TTC34: variants seen among roughly 807,000 people sequenced by gnomAD.
TTC34 encodes tetratricopeptide repeat domain 34.
In TTC34, 44 loss-of-function variants were observed where a neutral mutation model predicts 40.7. That is an observed-to-expected ratio of 1.08 (90% confidence interval 0.85 to 1.39). TTC34 has a LOEUF of 1.39. TTC34 is among the 40% of genes most tolerant of loss of function. The pLI is 0.00. For missense variants in TTC34, 884 were observed against 838.0 expected, an observed-to-expected ratio of 1.05 and a Z score of -0.68; for synonymous variants, 422 against 398.6, an observed-to-expected ratio of 1.06 and a Z score of -0.70.
chr1:2,768,732 C>G (rs1373447907), intron 6 of TTC34, among the ~76,000 whole-genome samples: 2 of 141,448 alleles, frequency 1.4e-5, no homozygotes, highest in South Asian at 2.4e-4. Context: ...CCTGGAAAAA[C>G]AACCCCCTTC....
chr1:2,683,673 C>T (rs1269407324), intron 6 of TTC34, among the ~76,000 whole-genome samples: 1 of 149,156 alleles, frequency 6.7e-6, no homozygotes, highest in African/African-American at 2.6e-5. Context: ...GCACGCTGCA[C>T]CCCCAGGTGA....
At chr1:2,789,815 T>G in exon 3 of TTC34, 1 of 455,368 alleles carries the variant, frequency 2.2e-6, no homozygotes, top group South Asian at 4.9e-5. Flanking sequence ...CACTACCGTC[T>G]GGAAGTCCTC....
chr1:2,797,411 C>T (rs1450602290), intron 2 of TTC34, among the ~76,000 whole-genome samples: 1 of 152,158 alleles, frequency 6.6e-6, no homozygotes, highest in Non-Finnish European at 1.5e-5. Flanking sequence ...CCACTTCCTG[C>T]CTCTGTCGGG....
intron 6 of TTC34, among the ~76,000 whole-genome samples, chr1:2,773,062 A>G (rs1461980636): frequency 6.6e-6 from 1 of 151,146 alleles, no homozygotes. Flanking sequence ...GCACACCCCC[A>G]GGTGAGCCTC....
At position 2,791,545 on chromosome 1, in the gene TTC34, C is replaced by T. The variant is rs984865106; in HGVS notation, c.785-1199G>A. On this transcript the variant is annotated intron_variant, in intron 2 of 8. Coordinates refer to ENST00000401095, the Ensembl canonical transcript of TTC34. Reference sequence around the variant, plus strand: ...TGCGGTCACTGCCCTGCTGCTGTTGCGGTAAGCGCCGAGTCCAGCACAGAA... The same window carrying T: ...TGCGGTCACTGCCCTGCTGCTGTTGTGGTAAGCGCCGAGTCCAGCACAGAA... 6.6e-5 allele frequency among the ~76,000 whole-genome samples: 10 copies of T among 152,274 alleles called. No individual in the cohort carries two copies. In the South Asian group the frequency reaches 1.7e-3, roughly 25 times the overall value.
At chr1:2,789,887 G>A in exon 3 of TTC34, 1 of 415,102 alleles carries the variant, frequency 2.4e-6, no homozygotes. Flanking sequence ...CAGGAGAGGT[G>A]CGCGGTCCCC....
Position 2,645,799 on chromosome 1 carries a change from CTG to C in TTC34, c.2227-238_2227-237del, listed in dbSNP as rs1639010764. 6.6e-6 allele frequency among the ~76,000 whole-genome samples: 1 copy of C among 152,196 alleles called. No homozygotes were observed. The highest frequency in any genetic ancestry group is 1.5e-5 in the Non-Finnish European group (1 of 68,032). On this transcript the variant is annotated intron_variant, in intron 6 of 8. Transcript: ENST00000401095. This position sits in a 1 kb window ranked among gnomAD's most constrained non-coding sequence, Gnocchi z 4.7. ...GGGACTCAGCTCACTGACCTTGACT[CTG>C]AAAGTTGTCAGGCTCAGAACCCCTT... is the stretch of plus-strand genomic sequence containing the variant.
intron 6 of TTC34, among the ~76,000 whole-genome samples, chr1:2,688,214 GGGGAGCATCCGACAGCCTGGAGCAGCAC>G (rs1640458867): frequency 2.8e-5 from 4 of 144,702 alleles, no homozygotes; most frequent in African/African-American, 8.1e-5. Flanking sequence ...CACACCCCCA[GGGGAGCATCCGACAGCCTGGAGCAGCAC>G]CCACACCCCC....
chr1:2,644,170 G>C, intron 8 of TTC34, 94 bp downstream of exon 8: 1 of 1,285,818 alleles, frequency 7.8e-7, no homozygotes. Context: ...ACCGCAGAGA[G>C]TGAAGAAAGG....
chr1:2,759,873 T>TCTGACAGCGTGGAACAGCAC (rs1641636880), intron 6 of TTC34, among the ~76,000 whole-genome samples: 2 of 63,396 alleles, frequency 3.2e-5, no homozygotes, highest in African/African-American at 1.1e-4. Context: ...TGGAGTAGTA[T>TCTGACAGCGTGGAACAGCAC]CCTGCACCCT....
intron 6 of TTC34, among the ~76,000 whole-genome samples, chr1:2,647,182 T>A (rs1285763155): frequency 6.6e-6 from 1 of 152,196 alleles, no homozygotes; most frequent in Admixed American, 6.5e-5. Flanking sequence ...TCTTGGGAAT[T>A]TTTCTGCTGT....
chr1:2,772,980 C>T (rs1569841532), intron 6 of TTC34, among the ~76,000 whole-genome samples: 2 of 149,520 alleles, frequency 1.3e-5, no homozygotes, highest in South Asian at 2.1e-4. Flanking sequence ...ATGCACACCC[C>T]CAGGCGAGCA....
chr1:2,769,531 T>G (rs1215813611), intron 6 of TTC34, among the ~76,000 whole-genome samples: 2 of 98,224 alleles, frequency 2.0e-5, no homozygotes, highest in Non-Finnish European at 3.8e-5. Context: ...TCTGACAACC[T>G]GGAGCAGCAC....
chr1:2,754,779 C>A (rs1298806149), intron 6 of TTC34, among the ~76,000 whole-genome samples: 132 of 135,460 alleles, frequency 9.7e-4, no homozygotes, highest in African/African-American at 3.4e-3. Context: ...GCACCCACAC[C>A]CACAGGTGAG....
Position 2,684,994 on chromosome 1 carries a change from A to G in TTC34, c.2227-39431T>C, listed in dbSNP as rs1456423934. On this transcript the variant is annotated intron_variant, in intron 6 of 8. Transcript: ENST00000401095. ...CATCTGACAGCTTAGAACAGCACCC[A>G]TACCCCCAGGCGAGCATCTGACAGC... 2.2e-4 allele frequency among the ~76,000 whole-genome samples: 31 copies of G among 143,478 alleles called. 1 individual carries two copies. Among genetic ancestry groups the G allele is most frequent in the Admixed American group, 2.2e-3 (31 of 14,394 alleles). The allele number at this position is 143,478 out of a possible 152,430, so 94.1% of individuals were successfully genotyped here. A position where few individuals can be genotyped will look rare whatever the true frequency, so the allele number is the denominator to read the frequency against.
At chr1:2,698,758 G>A (rs1640985963) in intron 6 of TTC34, among the ~76,000 whole-genome samples, 1 of 146,124 alleles carries the variant, frequency 6.8e-6, no homozygotes, top group South Asian at 2.2e-4. Flanking sequence ...GCCTGGAGCA[G>A]GACCCACACC....
chr1:2,652,502 ACGGCC>A (rs1422740520), intron 6 of TTC34, among the ~76,000 whole-genome samples: 20 of 151,852 alleles, frequency 1.3e-4, no homozygotes, highest in Admixed American at 3.3e-4. Context: ...CGAGCATCTG[ACGGCC>A]TGCAACAGCA....
At chr1:2,675,570 C>A (rs1453185603) in intron 6 of TTC34, among the ~76,000 whole-genome samples, 1 of 45,144 alleles carries the variant, frequency 2.2e-5, no homozygotes. Flanking sequence ...CACCCCAAGG[C>A]GAGCATCTGA....
intron 6 of TTC34, among the ~76,000 whole-genome samples, chr1:2,783,090 T>G (rs1296161177): frequency 6.6e-6 from 1 of 152,194 alleles, no homozygotes; most frequent in Non-Finnish European, 1.5e-5. Context: ...AAGAAAGTCT[T>G]AAATGCATAG....
Sources: allele counts gnomAD v4.1 joint callset (sites outside exome capture counted in the v4.1 genomes callset), GRCh38; gene constraint gnomAD v4.1.1; non-coding constraint Gnocchi (gnomAD v3.1); transcripts MANE v1.5; gene names NCBI Gene and HGNC (gene_info 2026-07-23, HGNC 2026-07-21).